WBP2NL: variants seen among roughly 807,000 people sequenced by gnomAD.
WBP2NL encodes the protein postacrosomal sheath WW domain-binding protein.
A neutral mutation model predicts 23.3 loss-of-function variants in WBP2NL; 27 were observed. The observed-to-expected ratio is 1.16, with a 90% CI of 0.85 to 1.60. The LOEUF is 1.60. Ranked by LOEUF, WBP2NL falls within the 40% of genes most tolerant of loss-of-function variation. The pLI is 0.00. For synonymous variants in WBP2NL, 151 were observed against 145.9 expected, an observed-to-expected ratio of 1.03 and a Z score of -0.25; for missense variants, 370 against 389.5, an observed-to-expected ratio of 0.95 and a Z score of 0.42.
chr22:42,030,121 C>T (rs1569452589), downstream of WBP2NL: 1 of 152,170 alleles, frequency 6.6e-6, no homozygotes, highest in Non-Finnish European at 1.5e-5. Context: ...TTCTTAGAGC[C>T]TTGACTATAC....
At chr22:42,045,533 A>C (rs1925554999) in intron 8 of WBP2NL, among the ~76,000 whole-genome samples, 1 of 152,246 alleles carries the variant, frequency 6.6e-6, no homozygotes, top group Non-Finnish European at 1.5e-5. Context: ...TAGAAATGAA[A>C]GAGAAAAATC....
chr22:42,054,031 A>G (rs1169369994), intron 8 of WBP2NL, among the ~76,000 whole-genome samples: 5 of 151,994 alleles, frequency 3.3e-5, no homozygotes, highest in Non-Finnish European at 7.4e-5. Context: ...GCCTCAAGTG[A>G]TCCTCCCATC....
intron 8 of WBP2NL, among the ~76,000 whole-genome samples, chr22:42,058,017 C>T (rs907874490): frequency 1.4e-5 from 2 of 141,672 alleles, no homozygotes; most frequent in East Asian, 2.2e-4. Context: ...CCCAGGATCA[C>T]GCTGTTCTCC....
chr22:42,039,912 T>G lies in WBP2NL; in HGVS notation c.*273+9089T>G, dbSNP rs1444755455. Among the ~76,000 whole-genome samples the G allele has an allele frequency of 5.3e-5, 8 of 150,782 alleles. No individual in the cohort carries two copies. In the South Asian group the frequency reaches 1.5e-3, roughly 27 times the overall value. ...TTTCTTGATTTGTACAGTTAGGTTT[T>G]TTTTTTTTTTTTCCTCGAGATGAAG... On this transcript the variant is annotated intron_variant and NMD_transcript_variant, in intron 8 of 8. Coordinates refer to the WBP2NL transcript ENST00000436265.
intron 1 of WBP2NL, among the ~76,000 whole-genome samples, chr22:42,008,085 C>T (rs1003501666): frequency 9.9e-6 from 1 of 100,642 alleles, no homozygotes; most frequent in African/African-American, 3.2e-5. Context: ...CTTCTCTTCT[C>T]CTCTTCCTTT....
chr22:42,046,013 T>A (rs1384687109), intron 8 of WBP2NL, among the ~76,000 whole-genome samples: 5 of 152,198 alleles, frequency 3.3e-5, no homozygotes. Context: ...GTGGAATAAG[T>A]TGATTTGGCC....
At chr22:42,003,513 G>A (rs2146753881) in intron 1 of WBP2NL, 1 of 151,984 alleles carries the variant, frequency 6.6e-6, no homozygotes, top group African/African-American at 2.4e-5. Flanking sequence ...TAAATAAAAG[G>A]GAGTAAGTTG....
intron 8 of WBP2NL, among the ~76,000 whole-genome samples, chr22:42,057,869 GTATATATATATATATATA>G (rs5845518): frequency 1.5e-3 from 49 of 32,552 alleles, no homozygotes; most frequent in African/African-American, 4.9e-3. Flanking sequence ...GTGTGTGTAT[GTATATATATATATATATA>G]TATATATATA....
intron 1 of WBP2NL, 50 bp downstream of exon 1, chr22:41,998,930 G>A (rs768118755): frequency 6.4e-7 from 1 of 1,561,490 alleles, no homozygotes; most frequent in African/African-American, 1.4e-5. Context: ...AGACGAATGA[G>A]ATAGACATGG....
chr22:42,001,875 C>A, intron 1 of WBP2NL: 1 of 1,457,904 alleles, frequency 6.9e-7, no homozygotes, highest in Non-Finnish European at 9.2e-7. Flanking sequence ...CAGCTTGACC[C>A]GCTCGATGGG....
In WBP2NL at chr22:42,026,873, G is replaced by A. The variant is rs377226324; in HGVS notation, c.622G>A (p.Val208Met). ...AQPVGNEGPP[V>M]GYRASPVRYG... ...ACCCGTAGGAAATGAAGGCCCGCCT[G>A]TGGGATACAGAGCCTCACCTGTGCG... Residue 208 changes from valine (V) to methionine (M), a missense_variant, in exon 6 of 6, where the codon GTG becomes ATG. By Grantham distance (21) the Val-to-Met change is conservative. Transcript: ENST00000328823. The A allele has an allele frequency of 3.1e-6, 5 of 1,611,644 alleles. No homozygotes were observed. The highest frequency in any genetic ancestry group is 1.3e-5 in the African/African-American group (1 of 74,116).
Position 42,016,137 on chromosome 22 carries a change from A to G in WBP2NL, c.63-3174A>G, listed in dbSNP as rs144506763. Among the ~76,000 whole-genome samples the G allele has an allele frequency of 1.9e-3, 285 of 152,020 alleles. 6 individuals carry two copies. The East Asian group carries it at 0.051, about 27-fold the overall frequency. Reference sequence around the variant, plus strand: ...GCTGGGATTACAGACACATGCCACCAGGCCCAGCTAATTTTGCATTTTTAG... The same window carrying G: ...GCTGGGATTACAGACACATGCCACCGGGCCCAGCTAATTTTGCATTTTTAG... On this transcript the variant is annotated intron_variant, in intron 1 of 5. Coordinates refer to ENST00000328823, the MANE Select transcript of WBP2NL (RefSeq NM_152613.3).
chr22:42,036,905 C>T (rs1925201231), downstream of WBP2NL, among the ~76,000 whole-genome samples: 1 of 151,986 alleles, frequency 6.6e-6, no homozygotes, highest in Admixed American at 6.6e-5. Context: ...TGGATTATTT[C>T]TTCTGCTCTG....
rs146130966 is a variant in WBP2NL, at chr22:42,020,089, C to T, written c.399C>T (p.Ala133=). ...IEFAQLMVKA[A]SAAARGFPLR... ...TTGCCCAGTTGATGGTGAAAGCTGC[C>T]TCTGCTGGTAAGTGATGCTGATAAA... Residue 133 remains alanine (A), a synonymous_variant, in exon 4 of 6, where the codon GCC becomes GCT. Transcript: ENST00000328823. The T allele has an allele frequency of 9.9e-6, 16 of 1,613,466 alleles. No homozygotes were observed. Among genetic ancestry groups the T allele is most frequent in the Middle Eastern group, 1.6e-4 (1 of 6,080 alleles).
intron 8 of WBP2NL, among the ~76,000 whole-genome samples, chr22:42,051,665 T>C (rs1925842554): frequency 6.6e-6 from 1 of 152,168 alleles, no homozygotes; most frequent in South Asian, 2.1e-4. Context: ...ACCTGGTCTT[T>C]AAAAGGCTGG....
intron 8 of WBP2NL, among the ~76,000 whole-genome samples, chr22:42,050,726 C>A (rs1925811160): frequency 6.6e-6 from 1 of 151,356 alleles, no homozygotes; most frequent in South Asian, 2.1e-4. Context: ...AGAAGATAAA[C>A]AGATGGCAAA....
At chr22:42,023,730 T>G (rs1353982964) in intron 5 of WBP2NL, among the ~76,000 whole-genome samples, 1 of 151,218 alleles carries the variant, frequency 6.6e-6, no homozygotes, top group East Asian at 2.0e-4. Flanking sequence ...CTCCTGACCT[T>G]GTGATCCGCC....
At chr22:42,005,607 A>G (rs543470517) in intron 1 of WBP2NL, among the ~76,000 whole-genome samples, 81 of 152,230 alleles carry the variant, frequency 5.3e-4, no homozygotes, top group Non-Finnish European at 9.3e-4. Context: ...TCATGCCCTA[A>G]TTGAAGAGAA....
At chr22:42,055,479 C>T (rs538845766) in intron 8 of WBP2NL, among the ~76,000 whole-genome samples, 2 of 152,196 alleles carry the variant, frequency 1.3e-5, no homozygotes, top group South Asian at 4.2e-4. Context: ...CTGGCAATTT[C>T]AGTCTTTTAC....
Sources: gnomAD v4.1 joint callset for allele counts (sites outside exome capture counted in the v4.1 genomes callset) on GRCh38, gnomAD v4.1.1 for gene constraint, MANE v1.5 for transcripts, NCBI Gene and HGNC (gene_info 2026-07-23, HGNC 2026-07-21) for gene names.